PMS1: variants seen among roughly 807,000 people sequenced by gnomAD.
PMS1 encodes PMS1 homolog 1, mismatch repair system component.
A neutral mutation model predicts 93.1 loss-of-function variants in PMS1; 79 were observed. The ratio of observed to expected loss-of-function variants is 0.85; its 90% CI spans 0.71 to 1.02. PMS1 has a LOEUF of 1.02. Among genes scored for constraint, PMS1 ranks in the 50% least tolerant of loss-of-function variants. The pLI is 0.00. For missense variants in PMS1, 1,064 were observed against 1,085.3 expected (o/e 0.98, Z 0.28); for synonymous variants, 335 against 363.4 (o/e 0.92, Z 0.89).
chr2:189,853,030 G>C (rs2054915640), intron 7 of PMS1, among the ~76,000 whole-genome samples: 3 of 152,170 alleles, frequency 2.0e-5, no homozygotes, highest in Middle Eastern at 3.4e-3. Context: ...CAGGAAATTA[G>C]AGAGTTAGTA....
intron 5 of PMS1, among the ~76,000 whole-genome samples, chr2:189,823,929 G>A (rs2052195871): frequency 6.6e-6 from 1 of 152,136 alleles, no homozygotes; most frequent in Non-Finnish European, 1.5e-5. Context: ...CCCAATACAG[G>A]CAAATAACCT....
intron 9 of PMS1, among the ~76,000 whole-genome samples, chr2:189,859,880 CTA>C (rs5743157): frequency 0.049 from 7,447 of 152,094 alleles, 292 homozygotes; most frequent in African/African-American, 0.1. Flanking sequence ...ATTGTAGTGA[CTA>C]TAATTTCACT....
chr2:189,860,420 T>A (rs575632123), intron 9 of PMS1, among the ~76,000 whole-genome samples: 84 of 152,258 alleles, frequency 5.5e-4, no homozygotes, highest in Admixed American at 1.6e-3. Flanking sequence ...TTTTTTTTTT[T>A]AAATCAAAGA....
chr2:189,820,652 G>GT (rs1268594518), intron 5 of PMS1, among the ~76,000 whole-genome samples: 3 of 152,034 alleles, frequency 2.0e-5, no homozygotes, highest in Admixed American at 6.5e-5. Flanking sequence ...TATTTATATA[G>GT]TTTTTTCCCA....
chr2:189,822,420 C>A (rs1160580045), intron 5 of PMS1, among the ~76,000 whole-genome samples: 1 of 152,084 alleles, frequency 6.6e-6, no homozygotes, highest in Admixed American at 6.6e-5. Flanking sequence ...GATTTTGTGG[C>A]CTCTTTGTAC....
chr2:189,791,088 G>A (rs2048820514), intron 1 of PMS1, among the ~76,000 whole-genome samples: 1 of 151,400 alleles, frequency 6.6e-6, no homozygotes, highest in Admixed American at 6.6e-5. Context: ...TTTTTTTTAG[G>A]TGCTTGTGGC....
intron 1 of PMS1, chr2:189,785,581 A>G (rs888982761): frequency 1.3e-5 from 2 of 152,234 alleles, no homozygotes; most frequent in Non-Finnish European, 2.9e-5. Flanking sequence ...TCCTCAAAGA[A>G]CTCTGAGTCA....
intron 1 of PMS1, among the ~76,000 whole-genome samples, chr2:189,788,820 A>G (rs748306412): frequency 6.6e-6 from 1 of 152,188 alleles, no homozygotes; most frequent in Admixed American, 6.5e-5. Context: ...CTAGTGCTCT[A>G]GTGTTCAGTA....
chr2:189,791,086 A>G (rs1211125510), intron 1 of PMS1, among the ~76,000 whole-genome samples: 1 of 151,022 alleles, frequency 6.6e-6, no homozygotes, highest in Non-Finnish European at 1.5e-5. Flanking sequence ...TTTTTTTTTT[A>G]GGTGCTTGTG....
chr2:189,824,196 G>A (rs1167579061), intron 5 of PMS1, among the ~76,000 whole-genome samples: 1 of 151,902 alleles, frequency 6.6e-6, no homozygotes, highest in Non-Finnish European at 1.5e-5. Context: ...TCTTTTCATG[G>A]GTATCTGAAG....
intron 1 of PMS1, among the ~76,000 whole-genome samples, chr2:189,787,513 T>G (rs778395335): frequency 6.6e-6 from 1 of 152,210 alleles, no homozygotes; most frequent in South Asian, 2.1e-4. Context: ...TTTACAGTTA[T>G]CTTACATTGA....
chr2:189,800,225 A>G (rs1321978612), intron 3 of PMS1, among the ~76,000 whole-genome samples: 2 of 152,362 alleles, frequency 1.3e-5, no homozygotes, highest in African/African-American at 4.8e-5. Flanking sequence ...TCCTAATTTC[A>G]TGCCTTTCAG....
intron 5 of PMS1, among the ~76,000 whole-genome samples, chr2:189,825,552 A>G (rs1300858994): frequency 6.6e-6 from 1 of 152,230 alleles, no homozygotes; most frequent in African/African-American, 2.4e-5. Flanking sequence ...TGTGAAATGT[A>G]TGATTTCAAA....
At chr2:189,818,954 ATGT>A (rs1238933630) in intron 5 of PMS1, among the ~76,000 whole-genome samples, 6 of 152,200 alleles carry the variant, frequency 3.9e-5, no homozygotes, top group African/African-American at 1.4e-4. Context: ...TTACATGGAT[ATGT>A]TGTGTAGTGG....
chr2:189,860,933 C>T (rs2055919575), intron 9 of PMS1, among the ~76,000 whole-genome samples: 1 of 141,680 alleles, frequency 7.1e-6, no homozygotes, highest in African/African-American at 2.6e-5. Flanking sequence ...CATGGTATAT[C>T]TTTTTTTCAG....
At chr2:189,827,674 T>C (rs2052557545) in intron 5 of PMS1, among the ~76,000 whole-genome samples, 1 of 152,088 alleles carries the variant, frequency 6.6e-6, no homozygotes, top group African/African-American at 2.4e-5. Context: ...TAAAACAGAC[T>C]GAAATCCTGT....
chr2:189,805,918 C>G (rs16823972), intron 4 of PMS1, 164 bp downstream of exon 4: 7 of 1,520,780 alleles, frequency 4.6e-6, no homozygotes, highest in Admixed American at 4.7e-5. Context: ...TTCTAGCCAC[C>G]AATTTCTTAA....
At chr2:189,802,923 A>T (rs2050019091) in intron 3 of PMS1, among the ~76,000 whole-genome samples, 1 of 152,210 alleles carries the variant, frequency 6.6e-6, no homozygotes, top group Non-Finnish European at 1.5e-5. Context: ...CTCTATTGAA[A>T]GGAGAAAAGC....
chr2:189,863,118 C>T (rs2056194026), intron 9 of PMS1, among the ~76,000 whole-genome samples: 1 of 152,116 alleles, frequency 6.6e-6, no homozygotes, highest in South Asian at 2.1e-4. Flanking sequence ...TTTTTCACCC[C>T]TCAAGGAGTG....
Sources: gnomAD v4.1 joint callset for allele counts (sites outside exome capture counted in the v4.1 genomes callset) on GRCh38, gnomAD v4.1.1 for gene constraint, MANE v1.5 for transcripts, NCBI Gene and HGNC (gene_info 2026-07-23, HGNC 2026-07-21) for gene names.